Variants in LRRC4C observed in about 807,000 individuals in gnomAD.
LRRC4C encodes leucine rich repeat containing 4C.
In LRRC4C, 5 loss-of-function variants were observed where a neutral mutation model predicts 33.6. That is an observed-to-expected ratio of 0.15 (90% CI 0.08 to 0.31). The LOEUF (loss-of-function observed/expected upper bound fraction) is 0.31. Ranked by LOEUF, LRRC4C falls within the 10% of genes least tolerant of loss-of-function variation. The pLI, the probability that LRRC4C is intolerant of heterozygous loss-of-function variation, is 1.00. For missense variants in LRRC4C, 560 were observed against 796.7 expected (o/e 0.70, Z 3.58); for synonymous variants, 329 against 302.0 (o/e 1.09, Z -0.93).
chr11:40,829,655 G>A (rs985671786), intron 2 of LRRC4C, among the ~76,000 whole-genome samples: 5 of 151,952 alleles, frequency 3.3e-5, no homozygotes, highest in African/African-American at 4.8e-5. Context: ...CGAGGTCTGT[G>A]CTGTAGAAAG....
At chr11:40,904,907 CA>C in intron 2 of LRRC4C, among the ~76,000 whole-genome samples, 1 of 152,212 alleles carries the variant, frequency 6.6e-6, no homozygotes, top group Non-Finnish European at 1.5e-5. Context: ...AGGATGAAGC[CA>C]GCCAGTGAGA....
intron 3 of LRRC4C, among the ~76,000 whole-genome samples, chr11:40,507,144 T>G (rs1220044262): frequency 1.3e-5 from 2 of 152,020 alleles, no homozygotes; most frequent in East Asian, 1.9e-4. Context: ...AACCAAAACC[T>G]TTAAAAATTA....
At chr11:41,452,834 C>T (rs1956068151) in intron 1 of LRRC4C, among the ~76,000 whole-genome samples, 1 of 152,074 alleles carries the variant, frequency 6.6e-6, no homozygotes, top group Non-Finnish European at 1.5e-5. Context: ...TGTATCGTCT[C>T]TGGCACTGCA....
chr11:41,166,514 C>T (rs1039940810), intron 1 of LRRC4C, among the ~76,000 whole-genome samples: 4 of 152,056 alleles, frequency 2.6e-5, no homozygotes, highest in Admixed American at 6.6e-5. Context: ...AAATAAAGAT[C>T]GGGTTTTTAT....
intron 1 of LRRC4C, among the ~76,000 whole-genome samples, chr11:41,231,253 C>T (rs1947779737): frequency 1.3e-5 from 2 of 152,182 alleles, no homozygotes; most frequent in South Asian, 2.1e-4. Flanking sequence ...ACCCAGCCAT[C>T]CCATTACTGG....
intron 4 of LRRC4C, among the ~76,000 whole-genome samples, chr11:40,278,098 A>G (rs1025179999): frequency 1.3e-5 from 2 of 152,214 alleles, no homozygotes; most frequent in Admixed American, 6.5e-5. Flanking sequence ...AAGTAAGTAC[A>G]GTGTTCCCAA....
intron 1 of LRRC4C, among the ~76,000 whole-genome samples, chr11:41,027,483 T>C (rs1029501333): frequency 2.0e-5 from 3 of 151,684 alleles, no homozygotes; most frequent in Non-Finnish European, 4.4e-5. Flanking sequence ...ATGTCGTAGA[T>C]GTAGACAACT....
At chr11:40,886,531 A>T (rs1955464812) in intron 2 of LRRC4C, among the ~76,000 whole-genome samples, 1 of 151,940 alleles carries the variant, frequency 6.6e-6, no homozygotes, top group South Asian at 2.1e-4. Flanking sequence ...AATAGAGTAG[A>T]AACAAAAGGG....
chr11:40,536,376 T>C (rs1956473219), intron 3 of LRRC4C, among the ~76,000 whole-genome samples: 1 of 152,128 alleles, frequency 6.6e-6, no homozygotes, highest in Non-Finnish European at 1.5e-5. Context: ...GTATTTTTAG[T>C]AGAGACGGGG....
chr11:40,730,187 G>A (rs1224301057), intron 2 of LRRC4C, among the ~76,000 whole-genome samples: 1 of 152,022 alleles, frequency 6.6e-6, no homozygotes, highest in Non-Finnish European at 1.5e-5. Flanking sequence ...CACCAGCATG[G>A]CACATGTATA....
At chr11:41,206,153 C>T (rs1946593712) in intron 1 of LRRC4C, among the ~76,000 whole-genome samples, 1 of 152,122 alleles carries the variant, frequency 6.6e-6, no homozygotes, top group Admixed American at 6.6e-5. Context: ...AACAAGGAAA[C>T]ATTTCTAAAA....
chr11:40,183,112 A>T (rs183791399), intron 5 of LRRC4C, among the ~76,000 whole-genome samples: 191 of 152,290 alleles, frequency 1.3e-3, no homozygotes, highest in Non-Finnish European at 1.8e-3. Flanking sequence ...AGATTTTTTA[A>T]AAAAATGTAC....
At chr11:40,914,584 C>T (rs1956857927) in intron 2 of LRRC4C, among the ~76,000 whole-genome samples, 1 of 152,146 alleles carries the variant, frequency 6.6e-6, no homozygotes, top group South Asian at 2.1e-4. Context: ...AACCCACAGC[C>T]AATATCATAC....
intron 5 of LRRC4C, among the ~76,000 whole-genome samples, chr11:40,149,510 G>A (rs1858011618): frequency 6.6e-6 from 1 of 152,068 alleles, no homozygotes; most frequent in African/African-American, 2.4e-5. Context: ...GTATAGGAAT[G>A]CTAGTGATTT....
chr11:40,540,942 G>C (rs185406555), intron 3 of LRRC4C, among the ~76,000 whole-genome samples: 64 of 152,080 alleles, frequency 4.2e-4, no homozygotes, highest in African/African-American at 1.4e-3. Context: ...TGCCCAGGAG[G>C]GATGATTGTG....
intron 1 of LRRC4C, among the ~76,000 whole-genome samples, chr11:41,261,276 C>T (rs1416977693): frequency 2.0e-5 from 3 of 152,118 alleles, no homozygotes; most frequent in Non-Finnish European, 4.4e-5. Flanking sequence ...GACAGCTAAT[C>T]TGCTGAAGTC....
intron 1 of LRRC4C, among the ~76,000 whole-genome samples, chr11:41,268,880 C>T (rs1473432153): frequency 6.7e-6 from 1 of 150,078 alleles, no homozygotes; most frequent in Non-Finnish European, 1.5e-5. Context: ...AAAAAAAAAA[C>T]ACAGAAAAAG....
intron 1 of LRRC4C, among the ~76,000 whole-genome samples, chr11:41,058,785 T>G (rs753723400): frequency 6.6e-6 from 1 of 152,142 alleles, no homozygotes; most frequent in South Asian, 2.1e-4. Context: ...CTATTCATAA[T>G]AACAAAGACA....
chr11:40,501,051 T>C (rs140955594), intron 3 of LRRC4C, among the ~76,000 whole-genome samples: 182 of 152,290 alleles, frequency 1.2e-3, no homozygotes, highest in Middle Eastern at 6.8e-3. Context: ...CCCATGCAAG[T>C]CTGAAATCCA....
Sources: gnomAD v4.1 joint callset for allele counts (sites outside exome capture counted in the v4.1 genomes callset) on GRCh38, gnomAD v4.1.1 for gene constraint, MANE v1.5 for transcripts, NCBI Gene and HGNC (gene_info 2026-07-23, HGNC 2026-07-21) for gene names.